PCDHGA11: variants seen among roughly 807,000 people sequenced by gnomAD.
PCDHGA11 encodes the protein protocadherin gamma subfamily A, 11.
Under a neutral mutation model 60.4 loss-of-function variants are expected in PCDHGA11, and 39 were observed. That is an observed-to-expected ratio of 0.65 (90% CI 0.50 to 0.84). PCDHGA11 has a LOEUF of 0.84. Among genes scored for constraint, PCDHGA11 ranks in the 40% least tolerant of loss-of-function variants. The pLI is 0.00. For synonymous variants in PCDHGA11, 533 were observed against 510.3 expected (o/e 1.04, Z -0.60); for missense variants, 1,165 against 1,197.7 (o/e 0.97, Z 0.40).
chr5:141,466,552 G>C lies in PCDHGA11; in HGVS notation c.2434-28255G>C, dbSNP rs913019489. On this transcript the variant is annotated intron_variant, in intron 1 of 3. Coordinates refer to ENST00000398587, the MANE Select transcript of PCDHGA11 (RefSeq NM_018914.3). ...ATTGATGTAGATGGTCTTTTGCTGTGGGCTTCATCTTCAACATTGTCTCAT... is the reference window on the plus strand; with the variant it reads ...ATTGATGTAGATGGTCTTTTGCTGTCGGCTTCATCTTCAACATTGTCTCAT... 2.6e-5 allele frequency among the ~76,000 whole-genome samples: 4 copies of C among 152,144 alleles called. No homozygotes were observed. The South Asian group carries it at 8.3e-4, about 32-fold the overall frequency.
In PCDHGA11 at chr5:141,432,446, C is replaced by T. The variant is rs765059815; in HGVS notation, c.2433+8786C>T. The T allele has an allele frequency of 1.2e-6, 2 of 1,614,256 alleles. No individual in the cohort carries two copies. Among genetic ancestry groups the T allele is most frequent in the Non-Finnish European group, 8.5e-7 (1 of 1,180,052 alleles). On this transcript the variant is annotated intron_variant, in intron 1 of 3. Transcript: ENST00000398587. The surrounding 1 kb of genome is among the most constrained non-coding windows in gnomAD (Gnocchi z 6.0). ...CCAGAACGACAATGCGCCCGAGATC[C>T]TGTACCCCGCCCTCCCCACGGACGG...
At chr5:141,447,121 T>C (rs1341601610) in intron 1 of PCDHGA11, among the ~76,000 whole-genome samples, 1 of 152,104 alleles carries the variant, frequency 6.6e-6, no homozygotes, top group Non-Finnish European at 1.5e-5. Flanking sequence ...CTCCATGGAT[T>C]TTTTTGTTTG....
chr5:141,486,706 C>T lies in PCDHGA11; in HGVS notation c.2434-8101C>T. 1.2e-6 allele frequency: 2 copies of T among 1,614,154 alleles called. No homozygotes were observed. Among genetic ancestry groups the T allele is most frequent in the Admixed American group, 1.7e-5 (1 of 60,020 alleles). On this transcript the variant is annotated intron_variant, in intron 1 of 3. Transcript: ENST00000398587. This position sits in a 1 kb window ranked among gnomAD's most constrained non-coding sequence, Gnocchi z 5.0. ...CAGCTTCCTCTTTCATCTCTCTGAACCCCCAGACAGGAGCTGTTCATGCTA... is the reference window on the plus strand; with the variant it reads ...CAGCTTCCTCTTTCATCTCTCTGAATCCCCAGACAGGAGCTGTTCATGCTA...
chr5:141,468,300 G>C (rs2099162063), intron 1 of PCDHGA11, among the ~76,000 whole-genome samples: 1 of 146,430 alleles, frequency 6.8e-6, no homozygotes, highest in Non-Finnish European at 1.5e-5. Flanking sequence ...ACCCCAGCCT[G>C]GGCAACAAGA....
At chr5:141,430,906 C>A (rs764039566) in intron 1 of PCDHGA11, 2 of 1,606,932 alleles carry the variant, frequency 1.2e-6, no homozygotes, top group Non-Finnish European at 1.7e-6. Flanking sequence ...GCGACATCTC[C>A]AGGGACCTGG....
At chr5:141,464,944 G>T (rs1379789566) in intron 1 of PCDHGA11, among the ~76,000 whole-genome samples, 1 of 151,826 alleles carries the variant, frequency 6.6e-6, no homozygotes, top group African/African-American at 2.4e-5. Context: ...GTCTCACTAT[G>T]TTGCCCAGGC....
chr5:141,457,336 C>T (rs1032184011), intron 1 of PCDHGA11, among the ~76,000 whole-genome samples: 6 of 152,158 alleles, frequency 3.9e-5, no homozygotes, highest in Admixed American at 3.3e-4. Context: ...AGGTACCTTA[C>T]TTACTTTCAT....
chr5:141,489,077 C>G lies in PCDHGA11; in HGVS notation c.2434-5730C>G, dbSNP rs957205894. On this transcript the variant is annotated intron_variant, in intron 1 of 3. Coordinates refer to ENST00000398587, the MANE Select transcript of PCDHGA11 (RefSeq NM_018914.3). The surrounding 1 kb of genome is among the most constrained non-coding windows in gnomAD (Gnocchi z 4.5). The stretch of plus-strand genomic sequence containing the variant: ...AGCTCCCCTCCCCCCTGCCCACCCC[C>G]GCCACTCGGTGACTAAGAACTGCTG... 7 of 325,684 alleles carry G rather than the reference C, an allele frequency of 2.1e-5. No homozygotes were observed. Among genetic ancestry groups the G allele is most frequent in the Non-Finnish European group, 3.9e-5 (7 of 181,468 alleles). The allele number at this position is 325,684 out of a possible 1,614,324, so 20.2% of individuals were successfully genotyped here.
intron 1 of PCDHGA11, chr5:141,430,575 A>T (rs1056696427): frequency 2.2e-6 from 1 of 455,822 alleles, no homozygotes; most frequent in Non-Finnish European, 3.7e-6. Flanking sequence ...AAAAGCGGAG[A>T]TCCTGCTCGC....
At chr5:141,459,287 G>A (rs1362981410) in intron 1 of PCDHGA11, among the ~76,000 whole-genome samples, 1 of 152,136 alleles carries the variant, frequency 6.6e-6, no homozygotes, top group African/African-American at 2.4e-5. Context: ...TCATCTAAAT[G>A]GAATCCTATA....
chr5:141,426,104 A>T (rs2096915289), intron 1 of PCDHGA11, among the ~76,000 whole-genome samples: 1 of 152,258 alleles, frequency 6.6e-6, no homozygotes, highest in Non-Finnish European at 1.5e-5. Flanking sequence ...GTTCAGTCAC[A>T]GAAGCAAGTC....
intron 1 of PCDHGA11, among the ~76,000 whole-genome samples, chr5:141,457,612 G>T (rs1011626121): frequency 1.8e-4 from 27 of 152,232 alleles, no homozygotes; most frequent in Non-Finnish European, 2.9e-4. Flanking sequence ...AATTATGAAT[G>T]AACTTTAATC....
chr5:141,452,749 G>A (rs1453824335), intron 1 of PCDHGA11, among the ~76,000 whole-genome samples: 1 of 152,052 alleles, frequency 6.6e-6, no homozygotes, highest in African/African-American at 2.4e-5. Flanking sequence ...AGAGAAGGAA[G>A]AAGGAAGGGA....
intron 1 of PCDHGA11, among the ~76,000 whole-genome samples, chr5:141,438,581 TACATAC>T (rs2097977343): frequency 4.0e-5 from 2 of 49,846 alleles, no homozygotes; most frequent in Non-Finnish European, 6.5e-5. Flanking sequence ...TATACATACA[TACATAC>T]ATACATATAT....
chr5:141,491,648 T>C lies in PCDHGA11; in HGVS notation c.2434-3159T>C. ...GTTCAGCAGCCCACAGCTCTGGCGC[T>C]GGAGCCTGACGCCATCCGGTCCCGC... On this transcript the variant is annotated intron_variant, in intron 1 of 3. Transcript: ENST00000398587. The surrounding 1 kb of genome is among the most constrained non-coding windows in gnomAD (Gnocchi z 6.9). 2 of 1,613,834 alleles carry C rather than the reference T, an allele frequency of 1.2e-6. No individual in the cohort carries two copies. Among genetic ancestry groups the C allele is most frequent in the South Asian group, 1.1e-5 (1 of 91,082 alleles).
Position 141,423,238 on chromosome 5 carries a change from G to C in PCDHGA11, c.2011G>C (p.Glu671Gln), listed in dbSNP as rs765040062. 2.5e-6 allele frequency: 4 copies of C among 1,613,778 alleles called. No homozygotes were observed. The highest frequency in any genetic ancestry group is 2.2e-5 in the South Asian group (2 of 91,080). ...CGTGGCTGTGGCCGACAGCATCCCC[G>C]AAGTCCTGGCGGACCTCGGCAGCCT... ...LTVAVADSIP[E>Q]VLADLGSLES... Residue 671 changes from glutamate to glutamine, a missense_variant, in exon 1 of 4, where the codon GAA (glutamate) becomes CAA (glutamine). Transcript: ENST00000398587.
In PCDHGA11 at chr5:141,490,507, G is replaced by C; in HGVS notation, c.2434-4300G>C. 1 of 1,614,016 alleles carries C rather than the reference G, an allele frequency of 6.2e-7. No individual in the cohort carries two copies. Among genetic ancestry groups the C allele is most frequent in the Non-Finnish European group, 8.5e-7 (1 of 1,180,002 alleles). On this transcript the variant is annotated intron_variant, in intron 1 of 3. Transcript: ENST00000398587. The surrounding 1 kb of genome is among the most constrained non-coding windows in gnomAD (Gnocchi z 5.4). ...GGAGGCCACATCCCACTATATCATCGAGCTGCTGGCCAGCGATGCTGGTTC... is the reference window on the plus strand; with the variant it reads ...GGAGGCCACATCCCACTATATCATCCAGCTGCTGGCCAGCGATGCTGGTTC...
chr5:141,486,504 A>G lies in PCDHGA11; in HGVS notation c.2434-8303A>G. ...AGTACCCACAGAACTATTTTCCTCA[A>G]TATTTCAGATGTGAATGATAATCCA... On this transcript the variant is annotated intron_variant, in intron 1 of 3. Transcript: ENST00000398587. The surrounding 1 kb of genome is among the most constrained non-coding windows in gnomAD (Gnocchi z 5.0). 7.4e-6 allele frequency: 12 copies of G among 1,614,100 alleles called. No individual in the cohort carries two copies. Among genetic ancestry groups the G allele is most frequent in the Non-Finnish European group, 1.0e-5 (12 of 1,179,986 alleles).
At chr5:141,500,721 ATG>A (rs1209024560) in intron 2 of PCDHGA11, among the ~76,000 whole-genome samples, 1 of 152,088 alleles carries the variant, frequency 6.6e-6, no homozygotes, top group African/African-American at 2.4e-5. Context: ...GAATTTCCCC[ATG>A]TCTTTCAAAA....
Sources: allele counts gnomAD v4.1 joint callset (sites outside exome capture counted in the v4.1 genomes callset), GRCh38; gene constraint gnomAD v4.1.1; non-coding constraint Gnocchi (gnomAD v3.1); transcripts MANE v1.5; gene names NCBI Gene and HGNC (gene_info 2026-07-23, HGNC 2026-07-21).